LYST: variants seen among roughly 807,000 people sequenced by gnomAD.
LYST encodes the protein lysosomal trafficking regulator.
A neutral mutation model predicts 413.6 loss-of-function variants in LYST; 192 were observed. The ratio of observed to expected loss-of-function variants is 0.46; its 90% CI spans 0.41 to 0.52. The LOEUF (loss-of-function observed/expected upper bound fraction) is 0.52. Among genes scored for constraint, LYST ranks in the 20% least tolerant of loss-of-function variants. LYST has a pLI of 0.00. For synonymous variants in LYST, 1,525 were observed against 1,567.3 expected (o/e 0.97, Z 0.64); for missense variants, 3,815 against 4,499.9 (o/e 0.85, Z 4.35).
chr1:235,783,876 C>CTTT (rs974877871), intron 14 of LYST, among the ~76,000 whole-genome samples: 2 of 102,694 alleles, frequency 1.9e-5, no homozygotes, highest in Non-Finnish European at 3.7e-5. Flanking sequence ...TTTAGAAATT[C>CTTT]TTTTTTTTTT....
At chr1:235,839,228 T>C (rs1309824594) in intron 1 of LYST, among the ~76,000 whole-genome samples, 1 of 151,912 alleles carries the variant, frequency 6.6e-6, no homozygotes, top group Non-Finnish European at 1.5e-5. Flanking sequence ...ATAGGTTTTA[T>C]ATGTGTGGGT....
At chr1:235,800,806 A>C in intron 9 of LYST, 65 bp downstream of exon 9, 2 of 1,100,042 alleles carry the variant, frequency 1.8e-6, no homozygotes, top group African/African-American at 1.6e-5. Context: ...GTTATACATA[A>C]GGAGATGTTA....
At chr1:235,860,464 G>A (rs1249802465) in intron 1 of LYST, among the ~76,000 whole-genome samples, 1 of 152,162 alleles carries the variant, frequency 6.6e-6, no homozygotes, top group Non-Finnish European at 1.5e-5. Flanking sequence ...CTTCAGAATA[G>A]TTTCACCGCC....
At chr1:235,737,570 G>C (rs1172723120) in intron 31 of LYST, 1 of 152,198 alleles carries the variant, frequency 6.6e-6, no homozygotes, top group Non-Finnish European at 1.5e-5. Context: ...CATAAGGTGG[G>C]CCTGGGACAT....
chr1:235,757,229 A>G, intron 24 of LYST, 52 bp downstream of exon 24: 2 of 1,252,706 alleles, frequency 1.6e-6, no homozygotes, highest in East Asian at 5.1e-5. Context: ...TTTAAATTAC[A>G]TATATATTTA....
chr1:235,716,820 C>G (rs1380343270), intron 40 of LYST, 42 bp from the exon 41 acceptor site: 1 of 1,204,556 alleles, frequency 8.3e-7, no homozygotes, highest in Non-Finnish European at 1.2e-6. Flanking sequence ...TATTTTGATA[C>G]TGTCAAGATT....
chr1:235,785,361 G>A (rs1242302430), intron 14 of LYST, among the ~76,000 whole-genome samples: 1 of 152,158 alleles, frequency 6.6e-6, no homozygotes, highest in Non-Finnish European at 1.5e-5. Flanking sequence ...ATCAGACTGT[G>A]AACTCCAGGA....
At chr1:235,741,295 T>A in intron 31 of LYST, 127 bp downstream of exon 31, 1 of 863,362 alleles carries the variant, frequency 1.2e-6, no homozygotes, top group East Asian at 2.6e-5. Context: ...TAGGTTAAAT[T>A]TGCTTGGTAA....
chr1:235,752,099 A>G lies in LYST; in HGVS notation c.7533T>C (p.Ala2511=). 6.2e-7 allele frequency: 1 copy of G among 1,611,370 alleles called. No homozygotes were observed. Among genetic ancestry groups the G allele is most frequent in the South Asian group, 1.1e-5 (1 of 91,020 alleles). The change falls in exon 27 of 53, where the codon GCT becomes GCC. Residue 2511 remains alanine, a synonymous_variant. Transcript: ENST00000389793. ...QQLFIAVTIH[A]CSSSGSQYFR... ...AATATTGTGAGCCTGAGGAACTGCAAGCATGAATTGTAACTGCTATGAAAA... is the reference window on the plus strand; with the variant it reads ...AATATTGTGAGCCTGAGGAACTGCAGGCATGAATTGTAACTGCTATGAAAA...
At chr1:235,799,609 C>T (rs1372272615) in intron 10 of LYST, among the ~76,000 whole-genome samples, 1 of 152,086 alleles carries the variant, frequency 6.6e-6, no homozygotes, top group Non-Finnish European at 1.5e-5. Context: ...CCTTAATTCT[C>T]CAACTAAAAT....
chr1:235,843,781 A>C (rs1356673019), intron 1 of LYST, among the ~76,000 whole-genome samples: 1 of 152,234 alleles, frequency 6.6e-6, no homozygotes, highest in Non-Finnish European at 1.5e-5. Context: ...AAAAAAGGTT[A>C]TAATAATGAT....
intron 14 of LYST, among the ~76,000 whole-genome samples, chr1:235,784,475 T>A (rs1341829432): frequency 2.0e-5 from 3 of 152,206 alleles, no homozygotes; most frequent in Non-Finnish European, 2.9e-5. Context: ...TCAGCTGACA[T>A]AATTCAGAAA....
At chr1:235,693,105 G>GGAGATCGAGA (rs1215596434) in intron 47 of LYST, among the ~76,000 whole-genome samples, 3 of 152,118 alleles carry the variant, frequency 2.0e-5, no homozygotes, top group Non-Finnish European at 4.4e-5. Context: ...AACAAGGTCA[G>GGAGATCGAGA]GAGATCGAGA....
chr1:235,834,956 C>T (rs545614020), intron 1 of LYST, among the ~76,000 whole-genome samples: 1 of 152,106 alleles, frequency 6.6e-6, no homozygotes, highest in East Asian at 1.9e-4. Context: ...ACCCTTTCGC[C>T]CAGGCTTGAG....
chr1:235,778,121 A>ATATATATATATATATATATATTTTTT (rs1039912155), intron 16 of LYST, among the ~76,000 whole-genome samples: 1 of 145,300 alleles, frequency 6.9e-6, no homozygotes, highest in African/African-American at 2.7e-5. Context: ...ATATATATAT[A>ATATATATATATATATATATATTTTTT]TTTTTGTAGA....
chr1:235,809,086 G>T lies in LYST; in HGVS notation c.1732C>A (p.His578Asn). 1.2e-6 allele frequency: 2 copies of T among 1,614,090 alleles called. No individual in the cohort carries two copies. Among genetic ancestry groups the T allele is most frequent in the Non-Finnish European group, 1.7e-6 (2 of 1,179,996 alleles). ...ATACAACAGCATATTCCAATGTTAT[G>T]AACACCCGATAGGATCTGGACACAA... ...STCVQILSGV[H>N]NIGICCCMDP... Residue 578 changes from histidine to asparagine, a missense_variant, in exon 5 of 53, where the codon CAT becomes AAT. Around this residue, in one of 4 missense-constraint regions of LYST, gnomAD observed 1,648 missense variants for 1,810.3 expected, o/e 0.91. Coordinates refer to ENST00000389793, the MANE Select transcript of LYST (RefSeq NM_000081.4). The surrounding 1 kb of genome is among the most constrained non-coding windows in gnomAD (Gnocchi z 4.0).
chr1:235,720,087 A>C (rs1224115696), intron 40 of LYST, among the ~76,000 whole-genome samples: 1 of 146,938 alleles, frequency 6.8e-6, no homozygotes, highest in Non-Finnish European at 1.5e-5. Flanking sequence ...AGGCAGGAGA[A>C]TCGCTTGAAC....
chr1:235,806,787 A>G lies in LYST; in HGVS notation c.2364-15T>C. On this transcript the variant is annotated splice_polypyrimidine_tract_variant and intron_variant, in intron 5 of 52. Coordinates refer to ENST00000389793, the MANE Select transcript of LYST (RefSeq NM_000081.4). ...CTCTTATTACCCTGTGAAAGAAAAA[A>G]AGCATGTAAAAAGGTTTAAATAAAG... 6.4e-7 allele frequency: 1 copy of G among 1,567,968 alleles called. No homozygotes were observed. Among genetic ancestry groups the G allele is most frequent in the Non-Finnish European group, 8.8e-7 (1 of 1,139,502 alleles).
At position 235,686,038 on chromosome 1, in the gene LYST, C is replaced by A. The variant is rs535621592; in HGVS notation, c.10800+911G>T. Among the ~76,000 whole-genome samples the A allele has an allele frequency of 2.0e-5, 3 of 152,168 alleles. No homozygotes were observed. Among genetic ancestry groups the A allele is most frequent in the African/African-American group, 7.2e-5 (3 of 41,516 alleles). ...CTGAGTTATCAACCTAAACTTGACA[C>A]ATATCCTCAACTGCACCACAGGCAG... On this transcript the variant is annotated intron_variant, in intron 48 of 52. Coordinates refer to ENST00000389793, the MANE Select transcript of LYST (RefSeq NM_000081.4). This position sits in a 1 kb window ranked among gnomAD's most constrained non-coding sequence, Gnocchi z 4.0.
Sources: allele counts gnomAD v4.1 joint callset (sites outside exome capture counted in the v4.1 genomes callset), GRCh38; gene constraint gnomAD v4.1.1; regional missense constraint gnomAD v4.1.1; non-coding constraint Gnocchi (gnomAD v3.1); transcripts MANE v1.5; gene names NCBI Gene and HGNC (gene_info 2026-07-23, HGNC 2026-07-21).